The following JUP variants were observed in gnomAD, a reference collection of about 807,000 sequenced individuals.
The protein encoded by JUP is catenin (cadherin-associated protein), gamma 80kDa.
JUP carries 28 observed loss-of-function variants against 71.1 expected under a neutral mutation model. The ratio of observed to expected loss-of-function variants is 0.39; its 90% CI spans 0.29 to 0.54. The LOEUF is 0.54. JUP is among the 20% of genes least tolerant of loss of function. The probability of loss-of-function intolerance (pLI) is 0.62; values close to 1 mark genes in which losing one functional copy is unlikely to be tolerated. For missense variants in JUP, 869 were observed against 1,030.1 expected (o/e 0.84, Z 2.14); for synonymous variants, 401 against 438.9 (o/e 0.91, Z 1.08).
At chr17:41,783,725 C>A (rs920064006) in intron 1 of JUP, among the ~76,000 whole-genome samples, 3 of 151,646 alleles carry the variant, frequency 2.0e-5, no homozygotes, top group Admixed American at 6.6e-5. Flanking sequence ...TCAAGACCAG[C>A]CTGCGCAACA....
At chr17:41,759,671 C>A (rs1567804986) in intron 8 of JUP, among the ~76,000 whole-genome samples, 1 of 152,152 alleles carries the variant, frequency 6.6e-6, no homozygotes, top group Non-Finnish European at 1.5e-5. Context: ...CTCAGAGGAG[C>A]CACTCTGGCC....
At chr17:41,771,950 C>G in intron 1 of JUP, 88 bp from the exon 2 acceptor site, 1 of 1,075,790 alleles carries the variant, frequency 9.3e-7, no homozygotes, top group Non-Finnish European at 1.4e-6. Context: ...CGCCTGTCTT[C>G]CCACATCATC....
At chr17:41,767,021 T>C (rs1269914951) in intron 5 of JUP, among the ~76,000 whole-genome samples, 2 of 148,672 alleles carry the variant, frequency 1.3e-5, no homozygotes, top group Non-Finnish European at 3.0e-5. Flanking sequence ...CACTCTAGCC[T>C]GTGTGACAGA....
intron 1 of JUP, among the ~76,000 whole-genome samples, chr17:41,778,629 T>C (rs1220856037): frequency 1.3e-5 from 2 of 151,752 alleles, no homozygotes; most frequent in African/African-American, 2.4e-5. Flanking sequence ...CAAAAGGATG[T>C]TGCCGAGCAC....
Position 41,764,758 on chromosome 17 carries a change from G to A in JUP, c.1113C>T (p.Asn371=), listed in dbSNP as rs782009178. 1 of 1,613,460 alleles carries A rather than the reference G, an allele frequency of 6.2e-7. No homozygotes were observed. Among genetic ancestry groups the A allele is most frequent in the African/African-American group, 1.3e-5 (1 of 74,858 alleles). ...LTSNSPRLVQ[N]CLWTLRNLSD... is the part of the protein sequence containing the mutation. ...AGAGGTTGCGCAGGGTCCACAGGCA[G>A]TTCTGCACCAGGCGGGGGCTGTTGC... Residue 371 remains asparagine (N), a synonymous_variant, in exon 7 of 14, where the codon AAC becomes AAT. Transcript: ENST00000393931.
rs1203405935 is a variant in JUP at position 41,755,490 on chromosome 17, A to C, written c.*254T>G. ...GGGCTCGGTGGACCTGCATCCCCAGAAGCTCAAGCCACTCCGTGTCACCTG... is the reference window on the plus strand; with the variant it reads ...GGGCTCGGTGGACCTGCATCCCCAGCAGCTCAAGCCACTCCGTGTCACCTG... On this transcript the variant is annotated 3_prime_UTR_variant, in exon 14 of 14. Transcript: ENST00000393931. The C allele has an allele frequency of 7.0e-6, 3 of 428,574 alleles. No individual in the cohort carries two copies. The highest frequency in any genetic ancestry group is 1.2e-5 in the Non-Finnish European group (3 of 243,828). 26.5% of individuals were successfully genotyped at this position (428,574 alleles called of 1,614,324 possible).
rs76575314 is a variant in JUP, at chr17:41,771,456, G to C, written c.208+191C>G. 2,810 of 618,912 alleles carry C rather than the reference G, an allele frequency of 4.5e-3. 50 individuals are homozygous for C. The highest frequency in any genetic ancestry group is 0.039 in the African/African-American group (2,157 of 54,680). The allele number at this position is 618,912 out of a possible 1,614,324, so 38.3% of individuals were successfully genotyped here. A position where few individuals can be genotyped will look rare whatever the true frequency, so the allele number is the denominator to read the frequency against. Reference sequence around the variant, plus strand: ...GATGGTTCACAGAAGAGGATTCTGTGACCCTCCCAGATGCAGCACCCTGAA... The same window carrying C: ...GATGGTTCACAGAAGAGGATTCTGTCACCCTCCCAGATGCAGCACCCTGAA... On this transcript the variant is annotated intron_variant, in intron 2 of 13. Coordinates refer to ENST00000393931, the MANE Select transcript of JUP (RefSeq NM_002230.4).
Position 41,758,740 on chromosome 17 carries a change from G to T in JUP, c.1628C>A (p.Ala543Asp). 6.2e-7 allele frequency: 1 copy of T among 1,604,408 alleles called. No homozygotes were observed. Reference protein sequence around the residue: ...KAHQDAQRHVAAGTQQPYTDG... With the variant: ...KAHQDAQRHVDAGTQQPYTDG... ...CGTGTAGGGCTGCTGTGTGCCTGCA[G>T]CTACGTGGCGCTGGGCATCCTGGTG... The change falls in exon 9 of 14, where the codon GCT becomes GAT. Residue 543 changes from alanine (A) to aspartate (D), a missense_variant. By Grantham distance (126) the Ala-to-Asp change is moderately radical. Coordinates refer to ENST00000393931, the MANE Select transcript of JUP (RefSeq NM_002230.4).
chr17:41,762,155 GAGA>G (rs1914935705), intron 8 of JUP, among the ~76,000 whole-genome samples: 1 of 120,434 alleles, frequency 8.3e-6, no homozygotes, highest in African/African-American at 3.1e-5. Context: ...GAGAGAGAGA[GAGA>G]GAGAGAGAGA....
At chr17:41,780,782 C>T (rs1030714614) in intron 1 of JUP, among the ~76,000 whole-genome samples, 9 of 151,834 alleles carry the variant, frequency 5.9e-5, no homozygotes, top group African/African-American at 2.2e-4. Context: ...CGGTGGCTCA[C>T]GCTTATAATC....
intron 1 of JUP, among the ~76,000 whole-genome samples, chr17:41,780,799 T>C (rs2047121805): frequency 6.6e-6 from 1 of 151,550 alleles, no homozygotes. Flanking sequence ...AATCCCAGCA[T>C]GTCGGGAGGC....
At chr17:41,779,108 T>G (rs376165507) in intron 1 of JUP, among the ~76,000 whole-genome samples, 4 of 151,052 alleles carry the variant, frequency 2.6e-5, no homozygotes, top group African/African-American at 9.7e-5. Context: ...TGGTGGCAGG[T>G]GCCTGTAATC....
At chr17:41,756,014 C>T (rs1913660721) in intron 13 of JUP, 119 bp from the exon 14 acceptor site, 2 of 1,383,354 alleles carry the variant, frequency 1.4e-6, no homozygotes, top group African/African-American at 1.4e-5. Context: ...CTGACCCCTC[C>T]CCAGACCCCA....
chr17:41,774,498 T>G (rs1555608075), intron 1 of JUP, among the ~76,000 whole-genome samples: 1 of 152,008 alleles, frequency 6.6e-6, no homozygotes, highest in African/African-American at 2.4e-5. Context: ...CACGCCTGGC[T>G]AATTTTTGTA....
At chr17:41,784,770 G>C (rs1033758286) in intron 1 of JUP, among the ~76,000 whole-genome samples, 7 of 152,002 alleles carry the variant, frequency 4.6e-5, no homozygotes, top group Admixed American at 2.0e-4. Context: ...AGAAAGAGGT[G>C]GTAGACTCTT....
intron 8 of JUP, among the ~76,000 whole-genome samples, chr17:41,761,266 C>T (rs945113671): frequency 2.0e-5 from 3 of 152,164 alleles, no homozygotes; most frequent in Non-Finnish European, 4.4e-5. Context: ...GCAGGACACA[C>T]GGCCATCTGG....
intron 1 of JUP, among the ~76,000 whole-genome samples, chr17:41,783,255 C>G (rs950376174): frequency 2.0e-5 from 3 of 151,404 alleles, no homozygotes; most frequent in Middle Eastern, 3.2e-3. Context: ...TTTCAATTTC[C>G]TCCTCTGTAG....
intron 1 of JUP, among the ~76,000 whole-genome samples, chr17:41,776,721 AG>A (rs1316476602): frequency 6.6e-6 from 1 of 152,086 alleles, no homozygotes; most frequent in African/African-American, 2.4e-5. Context: ...CAAAAAGGTG[AG>A]GGGGCCAGGC....
At chr17:41,767,241 C>T in intron 5 of JUP, 138 bp downstream of exon 5, 1 of 693,348 alleles carries the variant, frequency 1.4e-6, no homozygotes, top group Non-Finnish European at 2.5e-6. Flanking sequence ...CTGGGCAATT[C>T]AGTCGCATGA....
Sources: allele counts gnomAD v4.1 joint callset (sites outside exome capture counted in the v4.1 genomes callset), GRCh38; gene constraint gnomAD v4.1.1; transcripts MANE v1.5; gene names NCBI Gene and HGNC (gene_info 2026-07-23, HGNC 2026-07-21).